The following CCDC146 variants were observed in gnomAD, a reference collection of about 807,000 sequenced individuals.
CCDC146 encodes coiled-coil domain-containing protein 146.
In CCDC146, 92 loss-of-function variants were observed where a neutral mutation model predicts 119.3. That is an observed-to-expected ratio of 0.77 (90% CI 0.65 to 0.92). The LOEUF (loss-of-function observed/expected upper bound fraction) is 0.92, where lower values mean the gene tolerates loss of function less well. Ranked by LOEUF, CCDC146 falls within the 40% of genes least tolerant of loss-of-function variation. The probability of loss-of-function intolerance (pLI) is 0.00; values close to 1 mark genes in which losing one functional copy is unlikely to be tolerated. For missense variants in CCDC146, 1,000 were observed against 1,103.0 expected, an observed-to-expected ratio of 0.91 and a Z score of 1.32; for synonymous variants, 372 against 371.8, an observed-to-expected ratio of 1.00 and a Z score of -0.01.
At chr7:77,169,679 A>G (rs1481121681) in intron 2 of CCDC146, among the ~76,000 whole-genome samples, 1 of 152,178 alleles carries the variant, frequency 6.6e-6, no homozygotes, top group African/African-American at 2.4e-5. Context: ...TGGCCAGTGT[A>G]CACCCTTCAG....
intron 2 of CCDC146, chr7:77,199,281 A>C (rs1001543507): frequency 6.2e-7 from 1 of 1,613,982 alleles, no homozygotes; most frequent in Non-Finnish European, 8.5e-7. Context: ...TGTCAACATA[A>C]TTTTCTATGT....
chr7:77,195,782 A>T (rs1251369844), intron 2 of CCDC146: 1 of 152,940 alleles, frequency 6.5e-6, no homozygotes, highest in Non-Finnish European at 1.5e-5. Context: ...TCAGCCTCCC[A>T]AGTAGCTAGG....
chr7:77,284,361 T>A (rs1390035839), intron 15 of CCDC146, among the ~76,000 whole-genome samples: 1 of 151,838 alleles, frequency 6.6e-6, no homozygotes, highest in Non-Finnish European at 1.5e-5. Flanking sequence ...ACCTCCCCTC[T>A]CCCTCCACAG....
intron 1 of CCDC146, among the ~76,000 whole-genome samples, chr7:77,134,979 T>C (rs1424193519): frequency 6.6e-6 from 1 of 152,214 alleles, no homozygotes. Flanking sequence ...TTATTGTTTG[T>C]TTTTGAACTG....
Position 77,146,190 on chromosome 7 carries a change from A to T in CCDC146, c.-11-21468A>T, listed in dbSNP as rs369800476. Among the ~76,000 whole-genome samples the T allele has an allele frequency of 8.4e-4, 127 of 151,602 alleles. 2 individuals are homozygous for T. In the East Asian group the frequency reaches 0.022, roughly 27 times the overall value. On this transcript the variant is annotated intron_variant, in intron 1 of 18. Transcript: ENST00000285871. ...GTAATGGCCTTCTTTGTCTCTTTTG[A>T]TCTTTGTTGGTTTAAAGTCTGTTTT...
chr7:77,157,533 G>A (rs2539192), intron 1 of CCDC146, among the ~76,000 whole-genome samples: 1 of 152,190 alleles, frequency 6.6e-6, no homozygotes, highest in African/African-American at 2.4e-5. Flanking sequence ...AATTACTGAT[G>A]TGTATTACAA....
chr7:77,133,671 C>A (rs1584014311), intron 1 of CCDC146, among the ~76,000 whole-genome samples: 5 of 135,630 alleles, frequency 3.7e-5, no homozygotes, highest in Admixed American at 2.2e-4. Context: ...TTTTTTTTTA[C>A]CACTTTTATT....
intron 1 of CCDC146, among the ~76,000 whole-genome samples, chr7:77,166,856 T>A (rs1399411771): frequency 3.3e-5 from 5 of 152,046 alleles, no homozygotes; most frequent in Admixed American, 6.6e-5. Flanking sequence ...AGGAAAAAAA[T>A]TTTCGAAGCT....
At chr7:77,258,278 C>A (rs1371922913) in intron 6 of CCDC146, among the ~76,000 whole-genome samples, 1 of 152,130 alleles carries the variant, frequency 6.6e-6, no homozygotes, top group Non-Finnish European at 1.5e-5. Flanking sequence ...CAGCTCTGCT[C>A]AGCCAGTGAC....
At chr7:77,274,391 A>G (rs534326175) in intron 10 of CCDC146, 91 bp from the exon 11 acceptor site, 1 of 871,270 alleles carries the variant, frequency 1.1e-6, no homozygotes, top group East Asian at 2.7e-5. Flanking sequence ...TACATTTTGT[A>G]TAGGAAGTAA....
chr7:77,199,263 C>G, intron 2 of CCDC146: 1 of 1,613,992 alleles, frequency 6.2e-7, no homozygotes, highest in Non-Finnish European at 8.5e-7. Flanking sequence ...TTAGATTTGC[C>G]ACTTTGCTGT....
chr7:77,164,223 A>G (rs1221696995), intron 1 of CCDC146, among the ~76,000 whole-genome samples: 1 of 152,026 alleles, frequency 6.6e-6, no homozygotes, highest in East Asian at 1.9e-4. Context: ...TGAAGGAAAT[A>G]TTTTTCTGGG....
intron 18 of CCDC146, among the ~76,000 whole-genome samples, chr7:77,293,523 A>G (rs1793990832): frequency 6.6e-6 from 1 of 152,110 alleles, no homozygotes; most frequent in Admixed American, 6.5e-5. Flanking sequence ...TAAGTCTCCA[A>G]TCTCTGTCTT....
At chr7:77,226,146 A>C (rs17159981) in intron 2 of CCDC146, among the ~76,000 whole-genome samples, 11,281 of 152,272 alleles carry the variant, frequency 0.074, 1,186 homozygotes, top group African/African-American at 0.23. Flanking sequence ...CAAAGGAAGC[A>C]GTTTTGAGAG....
chr7:77,281,614 G>C (rs968919773), intron 14 of CCDC146, among the ~76,000 whole-genome samples: 4 of 152,098 alleles, frequency 2.6e-5, no homozygotes, highest in Non-Finnish European at 4.4e-5. Flanking sequence ...ATTGTTCCTG[G>C]CTTCTGTTGT....
intron 1 of CCDC146, among the ~76,000 whole-genome samples, chr7:77,165,007 T>G (rs1791320206): frequency 6.6e-6 from 1 of 152,218 alleles, no homozygotes; most frequent in Admixed American, 6.5e-5. Flanking sequence ...GTTGATTCAG[T>G]GAAGATTCAT....
At chr7:77,231,554 G>T (rs1792627002) in intron 2 of CCDC146, among the ~76,000 whole-genome samples, 1 of 151,934 alleles carries the variant, frequency 6.6e-6, no homozygotes, top group Non-Finnish European at 1.5e-5. Flanking sequence ...TTTACCGATT[G>T]ATTCTTCTGC....
intron 1 of CCDC146, among the ~76,000 whole-genome samples, chr7:77,164,606 G>T (rs2110321): frequency 0.39 from 58,601 of 151,960 alleles, 11,745 homozygotes; most frequent in African/African-American, 0.46. Context: ...TATAATTTCC[G>T]GCTGGCAGAA....
chr7:77,192,925 A>G (rs983422901), intron 2 of CCDC146, among the ~76,000 whole-genome samples: 13 of 152,082 alleles, frequency 8.5e-5, no homozygotes, highest in African/African-American at 2.9e-4. Flanking sequence ...TCCGTCTCTA[A>G]AAAAAATAAA....
Sources: gnomAD v4.1 joint callset for allele counts (sites outside exome capture counted in the v4.1 genomes callset) on GRCh38, gnomAD v4.1.1 for gene constraint, MANE v1.5 for transcripts, NCBI Gene and HGNC (gene_info 2026-07-23, HGNC 2026-07-21) for gene names.